Variants in MINDY1 observed in about 807,000 individuals in gnomAD.
MINDY1 encodes MINDY lysine 48 deubiquitinase 1.
Under a neutral mutation model 53.6 loss-of-function variants are expected in MINDY1, and 50 were observed. That is an observed-to-expected ratio of 0.93 (90% CI 0.74 to 1.18). The LOEUF is 1.18. Ranked by LOEUF, MINDY1 falls within the 50% of genes most tolerant of loss-of-function variation. MINDY1 has a pLI of 0.00. For synonymous variants in MINDY1, 231 were observed against 234.7 expected (o/e 0.98, Z 0.14); for missense variants, 484 against 578.6 (o/e 0.84, Z 1.68).
chr1:150,998,500 AC>A (rs1672127252), intron 7 of MINDY1, among the ~76,000 whole-genome samples: 1 of 152,008 alleles, frequency 6.6e-6, no homozygotes, highest in Non-Finnish European at 1.5e-5. Context: ...GACTACAGGC[AC>A]CCGCCACCAT....
At position 150,997,659 on chromosome 1, in the gene MINDY1, G is replaced by C; in HGVS notation, c.1294C>G (p.Pro432Ala). The change falls in exon 9 of 10, where the codon CCA (proline) becomes GCA (alanine). Residue 432 changes from proline (P) to alanine (A), a missense_variant. Pro to Ala is a conservative substitution (Grantham distance 27). Transcript: ENST00000683666. ...EEYQQQQAAQ[P>A]VRMRTRVLSL... ...AGGACCCGCGTCCGCATCCGCACTG[G>C]CTGCGCTGCCTGCTGCTGTTGATAC... The C allele has an allele frequency of 6.2e-7, 1 of 1,612,152 alleles. No individual in the cohort carries two copies. Among genetic ancestry groups the C allele is most frequent in the Non-Finnish European group, 8.5e-7 (1 of 1,180,036 alleles).
In MINDY1 at chr1:151,001,764, T is replaced by C; in HGVS notation, c.472A>G (p.Lys158Glu). The change falls in exon 3 of 10, where the codon AAG (lysine) becomes GAG (glutamate). Residue 158 changes from lysine (K) to glutamate (E), a missense_variant. Physicochemically the swap from Lys to Glu is moderately conservative, Grantham distance 56. Transcript: ENST00000683666. Reference sequence around the variant, plus strand: ...AGCTCATCCGATGTGATCACTTCCTTCTGCGGGGGGAGCTTCACCTGGAGG... The same window carrying C: ...AGCTCATCCGATGTGATCACTTCCTCCTGCGGGGGGAGCTTCACCTGGAGG... ...LQWKVKLPPQ[K>E]EVITSDELMA... 2 of 1,600,206 alleles carry C rather than the reference T, an allele frequency of 1.2e-6. No individual in the cohort carries two copies. The highest frequency in any genetic ancestry group is 1.7e-6 in the Non-Finnish European group (2 of 1,175,860).
At chr1:151,007,768 G>A (rs912749917), upstream of MINDY1, among the ~76,000 whole-genome samples, 2 of 152,184 alleles carry the variant, frequency 1.3e-5, no homozygotes, top group Non-Finnish European at 2.9e-5. Context: ...AGGGAGGTTG[G>A]AACCTAACTC....
At chr1:151,003,048 G>A (rs1672757126) in intron 1 of MINDY1, 2 of 906,938 alleles carry the variant, frequency 2.2e-6, no homozygotes, top group South Asian at 7.2e-5. Context: ...ATAAGAGGTG[G>A]AGAAAGAAAT....
intron 1 of MINDY1, among the ~76,000 whole-genome samples, chr1:151,004,716 G>A (rs1672958218): frequency 6.7e-6 from 1 of 150,304 alleles, no homozygotes; most frequent in African/African-American, 2.5e-5. Flanking sequence ...GGGTGACAGA[G>A]CGAAACTCCA....
intron 9 of MINDY1, 108 bp from the exon 10 acceptor site, chr1:150,997,475 A>C: frequency 1.9e-6 from 3 of 1,542,560 alleles, no homozygotes; most frequent in Non-Finnish European, 2.6e-6. Flanking sequence ...AGAGGAAGAC[A>C]GGAAGGGGCT....
At chr1:150,998,762 C>T (rs1285264102) in intron 7 of MINDY1, among the ~76,000 whole-genome samples, 6 of 151,492 alleles carry the variant, frequency 4.0e-5, no homozygotes, top group African/African-American at 1.2e-4. Flanking sequence ...TCTGGCTAAG[C>T]GTGGCATGGA....
Position 151,002,414 on chromosome 1 carries a change from G to A in MINDY1, c.204C>T (p.Ser68=). The change falls in exon 2 of 10, where the codon TCC becomes TCT. Residue 68 remains serine, a synonymous_variant. Transcript: ENST00000683666. The surrounding 1 kb of genome is among the most constrained non-coding windows in gnomAD (Gnocchi z 4.1). ...GAGCTGAGCTAGCTTCAGGCAGAGG[G>A]GACTCAAGGTTGTCCCCACACTGGC... The part of the protein sequence containing the change: ...LPSQCGDNLE[S]PLPEASSAPP... The A allele has an allele frequency of 4.3e-6, 7 of 1,614,196 alleles. No homozygotes were observed. Among genetic ancestry groups the A allele is most frequent in the Non-Finnish European group, 5.9e-6 (7 of 1,180,044 alleles).
At chr1:151,001,185 T>C in intron 4 of MINDY1, 65 bp downstream of exon 4, 1 of 1,505,064 alleles carries the variant, frequency 6.6e-7, no homozygotes, top group Non-Finnish European at 9.2e-7. Context: ...AAAGCTTATC[T>C]TAGTATTACA....
intron 1 of MINDY1, among the ~76,000 whole-genome samples, chr1:151,004,269 T>C (rs962054359): frequency 6.6e-6 from 1 of 152,114 alleles, no homozygotes; most frequent in Middle Eastern, 3.2e-3. Flanking sequence ...TTTAACCTGT[T>C]CTCTATCAGC....
rs1418869285 is a variant in MINDY1, at chr1:150,999,103, C to T, written c.981+266G>A. On this transcript the variant is annotated intron_variant, in intron 7 of 9. Coordinates refer to ENST00000683666, the MANE Select transcript of MINDY1 (RefSeq NM_001376665.1). The surrounding 1 kb of genome is among the most constrained non-coding windows in gnomAD (Gnocchi z 4.4). ...CTAAGCATGAGTGCACAGTGCCCCT[C>T]TCTCTCTCTGTTCCCACATATATTC... 6.6e-6 allele frequency among the ~76,000 whole-genome samples: 1 copy of T among 151,878 alleles called. No homozygotes were observed.
At chr1:151,000,767 C>G (rs1672470301) in intron 4 of MINDY1, 152 bp from the exon 5 acceptor site, 1 of 815,424 alleles carries the variant, frequency 1.2e-6, no homozygotes, top group Non-Finnish European at 1.9e-6. Flanking sequence ...CCTTCTCTAT[C>G]TTATATAAAT....
rs193126942 is a variant in MINDY1 at position 150,998,342 on chromosome 1, C to T, written c.982-69G>A. The T allele has an allele frequency of 3.5e-3, 5,113 of 1,445,568 alleles. 20 individuals are homozygous for T. Among genetic ancestry groups the T allele is most frequent in the Non-Finnish European group, 4.3e-3 (4,542 of 1,064,762 alleles). The allele number at this position is 1,445,568 out of a possible 1,614,324, so 89.5% of individuals were successfully genotyped here. On this transcript the variant is annotated intron_variant, in intron 7 of 9. Transcript: ENST00000683666. Reference sequence around the variant, plus strand: ...GGAGGCAGTTCACTGCCAGAAATCTCGGTATGAGCATGTGGACTTTTTTTT... The same window carrying T: ...GGAGGCAGTTCACTGCCAGAAATCTTGGTATGAGCATGTGGACTTTTTTTT...
Position 151,006,453 on chromosome 1 carries a change from C to T in MINDY1, c.-231G>A. ...ACGCCTGAGCTTATACAGGTTTACA[C>T]AGCTTTATAAGCGACGGTCCAGGCT... On this transcript the variant is annotated 5_prime_UTR_variant, in exon 1 of 10. The change creates a new upstream start codon in the 5' untranslated region. Coordinates refer to ENST00000683666, the MANE Select transcript of MINDY1 (RefSeq NM_001376665.1). 1 of 1,192,998 alleles carries T rather than the reference C, an allele frequency of 8.4e-7. No individual in the cohort carries two copies. The highest frequency in any genetic ancestry group is 1.0e-6 in the Non-Finnish European group (1 of 952,866). The allele number at this position is 1,192,998 out of a possible 1,614,324, so 73.9% of individuals were successfully genotyped here.
At chr1:151,008,376 G>C (rs1673451912), upstream of MINDY1, 1 of 1,238,792 alleles carries the variant, frequency 8.1e-7, no homozygotes, top group Non-Finnish European at 1.1e-6. Context: ...TCGCCGGAAA[G>C]ACGTCCCAGG....
At chr1:151,003,230 C>T (rs1001015652) in intron 1 of MINDY1, among the ~76,000 whole-genome samples, 1 of 152,154 alleles carries the variant, frequency 6.6e-6, no homozygotes, top group Non-Finnish European at 1.5e-5. Context: ...TTTAGGGATA[C>T]CTTCTCTCTG....
chr1:151,006,166 T>C (rs976324583), intron 1 of MINDY1, 146 bp downstream of exon 1: 13 of 1,551,508 alleles, frequency 8.4e-6, no homozygotes, highest in Non-Finnish European at 1.1e-5. Context: ...CCCCTTTACA[T>C]GTCTCTCCTG....
Position 151,006,861 on chromosome 1 carries a change from C to T in MINDY1, c.-639G>A. 2 of 985,420 alleles carry T rather than the reference C, an allele frequency of 2.0e-6. No individual in the cohort carries two copies. The highest frequency in any genetic ancestry group is 1.1e-4 in the East Asian group (1 of 8,792). 61.0% of individuals were successfully genotyped at this position (985,420 alleles called of 1,614,324 possible). On this transcript the variant is annotated 5_prime_UTR_variant, in exon 1 of 10. Transcript: ENST00000683666. ...AAAAACAACAGACCCTTTCTCTTCC[C>T]TCTGCCTGCCTCTAGAAGGGACGGA...
chr1:151,006,265 A>G lies in MINDY1; in HGVS notation c.-90+47T>C, dbSNP rs56341880. ...CCCCAAAGCTGGAGAGGAAATAGAG[A>G]AGGGTGGGAGAAGAGGTGAAGAAGA... On this transcript the variant is annotated intron_variant, in intron 1 of 9. Coordinates refer to ENST00000683666, the MANE Select transcript of MINDY1 (RefSeq NM_001376665.1). 22,235 of 1,488,116 alleles carry G rather than the reference A, an allele frequency of 0.015. 2,711 individuals carry two copies. The African/African-American group carries it at 0.27, about 18-fold the overall frequency. The allele number at this position is 1,488,116 out of a possible 1,614,324, so 92.2% of individuals were successfully genotyped here. A position where few individuals can be genotyped will look rare whatever the true frequency, so the allele number is the denominator to read the frequency against.
Sources: allele counts gnomAD v4.1 joint callset (sites outside exome capture counted in the v4.1 genomes callset), GRCh38; gene constraint gnomAD v4.1.1; non-coding constraint Gnocchi (gnomAD v3.1); transcripts MANE v1.5; gene names NCBI Gene and HGNC (gene_info 2026-07-23, HGNC 2026-07-21).